ZNF469: variants seen among roughly 807,000 people sequenced by gnomAD.
ZNF469 encodes the protein zinc finger protein 469.
Under a neutral mutation model 1.0 loss-of-function variants are expected in ZNF469, and 1 was observed. The observed-to-expected ratio is 1.00, with a 90% CI of 0.35 to 4.73. The LOEUF is 4.73. Ranked by LOEUF, ZNF469 falls within the 30% of genes most tolerant of loss-of-function variation. The pLI, the probability that ZNF469 is intolerant of heterozygous loss-of-function variation, is 0.16. For missense variants in ZNF469, 6,100 were observed against 5,356.3 expected (o/e 1.14, Z -4.33); for synonymous variants, 2,703 against 2,363.4 (o/e 1.14, Z -4.17).
chr16:88,428,312 A>G lies in ZNF469; in HGVS notation c.842A>G (p.His281Arg). 1 of 1,550,202 alleles carries G rather than the reference A, an allele frequency of 6.5e-7. No homozygotes were observed. Residue 281 changes from histidine (H) to arginine (R), a missense_variant, in exon 3 of 3, where the codon CAT becomes CGT. His to Arg is a conservative substitution (Grantham distance 29). Transcript: ENST00000565624. ...TTCCAGTTCCCCTTCCCGGCACTGC[A>G]TGGGGCCAGCACAAAACCCTTCCCT... The part of the protein sequence containing the change: ...VSFQFPFPAL[H>R]GASTKPFPAD...
chr16:88,265,367 C>A, the ZNF469 span, among the ~76,000 whole-genome samples: 1 of 152,164 alleles, frequency 6.6e-6, no homozygotes, highest in Non-Finnish European at 1.5e-5. Context: ...GGCAGAACAG[C>A]CCAGCCTCAC....
At chr16:88,177,426 G>A in the ZNF469 span, 1 of 152,052 alleles carries the variant, frequency 6.6e-6, no homozygotes, top group Non-Finnish European at 1.5e-5. This position sits in a 1 kb window ranked among gnomAD's most constrained non-coding sequence, Gnocchi z 4.8. Flanking sequence ...ATGAACTTGC[G>A]TTTCCTTCCA....
chr16:88,209,436 A>G, the ZNF469 span, among the ~76,000 whole-genome samples: 23,809 of 151,592 alleles, frequency 0.16, 2,338 homozygotes, highest in Non-Finnish European at 0.22. Context: ...GACTACAGGT[A>G]CCCGCCACCG....
intron 1 of ZNF469, among the ~76,000 whole-genome samples, chr16:88,383,841 C>T (rs1459178494): frequency 6.6e-6 from 1 of 152,176 alleles, no homozygotes; most frequent in African/African-American, 2.4e-5. Flanking sequence ...GCCGCACCCC[C>T]GCCCAGCCCC....
intron 1 of ZNF469, among the ~76,000 whole-genome samples, chr16:88,423,253 AGATGGATGGATG>A (rs1255170652): frequency 1.6e-5 from 2 of 128,796 alleles, no homozygotes; most frequent in South Asian, 2.6e-4. Flanking sequence ...ATGGATGGAT[AGATGGATGGATG>A]GGTGGGTGGG....
the ZNF469 span, among the ~76,000 whole-genome samples, chr16:88,284,866 G>T: frequency 2.0e-5 from 3 of 152,240 alleles, no homozygotes; most frequent in African/African-American, 7.2e-5. Flanking sequence ...GCTGAAAGGG[G>T]CCATCTGTCC....
At chr16:88,349,411 C>T in the ZNF469 span, among the ~76,000 whole-genome samples, 1 of 151,574 alleles carries the variant, frequency 6.6e-6, no homozygotes, top group Non-Finnish European at 1.5e-5. Flanking sequence ...AGGCACCACA[C>T]ACACCACACC....
chr16:88,422,298 A>ATGGATGGATGGATGGATGAG, intron 1 of ZNF469, among the ~76,000 whole-genome samples: 1 of 141,596 alleles, frequency 7.1e-6, no homozygotes, highest in Non-Finnish European at 1.5e-5. Flanking sequence ...GGATGGATGG[A>ATGGATGGATGGATGGATGAG]TGAGTGGGTG....
chr16:88,184,938 TCACACTCATGTGAA>T, the ZNF469 span, among the ~76,000 whole-genome samples: 1 of 151,538 alleles, frequency 6.6e-6, no homozygotes, highest in African/African-American at 2.4e-5. Flanking sequence ...GCACAGACCC[TCACACTCATGTGAA>T]CACACTCATG....
At chr16:88,287,370 T>C in the ZNF469 span, among the ~76,000 whole-genome samples, 22,240 of 152,116 alleles carry the variant, frequency 0.15, 4,023 homozygotes, top group African/African-American at 0.43. Flanking sequence ...TGCACATGTA[T>C]ATGGCATGTT....
Position 88,437,063 on chromosome 16 carries a change from C to T in ZNF469, c.9593C>T (p.Ala3198Val), listed in dbSNP as rs1029446515. ...TACAACGAGCACCTGCGTGAGCACG[C>T]GGTCCGCTTCGCCCGCAGGGGGCAG... ...WMYNEHLREH[A>V]VRFARRGQAR... Residue 3198 changes from alanine to valine, a missense_variant, in exon 3 of 3, where the codon GCG becomes GTG. Transcript: ENST00000565624. The T allele has an allele frequency of 1.2e-4, 181 of 1,539,380 alleles. No homozygotes were observed. The highest frequency in any genetic ancestry group is 1.5e-4 in the Non-Finnish European group (174 of 1,144,120).
the ZNF469 span, among the ~76,000 whole-genome samples, chr16:88,301,848 G>C: frequency 6.6e-6 from 1 of 152,116 alleles, no homozygotes. Context: ...TCGGGGCTCA[G>C]CATCCCAGGC....
chr16:88,341,765 G>C, the ZNF469 span, among the ~76,000 whole-genome samples: 1 of 152,204 alleles, frequency 6.6e-6, no homozygotes, highest in Non-Finnish European at 1.5e-5. Context: ...GCCAGGAAGG[G>C]TGTGCAGGGG....
chr16:88,398,764 G>A (rs1441919760), intron 1 of ZNF469, among the ~76,000 whole-genome samples: 1 of 152,214 alleles, frequency 6.6e-6, no homozygotes, highest in African/African-American at 2.4e-5. Flanking sequence ...CCAGCAGGAT[G>A]GACTTGGACT....
the ZNF469 span, among the ~76,000 whole-genome samples, chr16:88,336,584 T>C: frequency 1.3e-5 from 2 of 151,602 alleles, no homozygotes; most frequent in African/African-American, 2.4e-5. Flanking sequence ...TGTGAGACAC[T>C]GACATGCCAA....
chr16:88,351,012 C>T, the ZNF469 span, among the ~76,000 whole-genome samples: 21 of 152,360 alleles, frequency 1.4e-4, no homozygotes, highest in Middle Eastern at 3.4e-3. Context: ...TGGCCTGTTG[C>T]AGCAGCAAGG....
the ZNF469 span, among the ~76,000 whole-genome samples, chr16:88,321,891 T>G: frequency 6.6e-6 from 1 of 152,216 alleles, no homozygotes; most frequent in Non-Finnish European, 1.5e-5. Flanking sequence ...CCCAAATGCC[T>G]TCTTGGCAAC....
chr16:88,354,633 C>CT, the ZNF469 span, among the ~76,000 whole-genome samples: 4 of 151,766 alleles, frequency 2.6e-5, no homozygotes, highest in Non-Finnish European at 2.9e-5. Flanking sequence ...CGCGCCCGGC[C>CT]CCCAGCTCAA....
the ZNF469 span, among the ~76,000 whole-genome samples, chr16:88,240,788 TGAAAA>T: frequency 6.6e-6 from 1 of 152,066 alleles, no homozygotes; most frequent in African/African-American, 2.4e-5. Flanking sequence ...GAAGGATGGT[TGAAAA>T]GAAAAGCCCC....
Sources: allele counts gnomAD v4.1 joint callset (sites outside exome capture counted in the v4.1 genomes callset), GRCh38; gene constraint gnomAD v4.1.1; non-coding constraint Gnocchi (gnomAD v3.1); transcripts MANE v1.5; gene names NCBI Gene and HGNC (gene_info 2026-07-23, HGNC 2026-07-21).